The following PPP6R3 variants were observed in gnomAD, a reference collection of about 807,000 sequenced individuals.
The protein encoded by PPP6R3 is serine/threonine-protein phosphatase 6 regulatory subunit 3.
A neutral mutation model predicts 110.7 loss-of-function variants in PPP6R3; 38 were observed. The ratio of observed to expected loss-of-function variants is 0.34; its 90% CI spans 0.26 to 0.45. The LOEUF (loss-of-function observed/expected upper bound fraction) is 0.45. Ranked by LOEUF, PPP6R3 falls within the 20% of genes least tolerant of loss-of-function variation. The pLI is 1.00. For synonymous variants in PPP6R3, 369 were observed against 373.5 expected, an observed-to-expected ratio of 0.99 and a Z score of 0.14; for missense variants, 870 against 1,062.4, an observed-to-expected ratio of 0.82 and a Z score of 2.52.
intron 1 of PPP6R3, among the ~76,000 whole-genome samples, chr11:68,486,463 G>C (rs186477547): frequency 3.3e-5 from 5 of 152,120 alleles, no homozygotes; most frequent in African/African-American, 1.2e-4. Context: ...AAATTAGCTG[G>C]GTGTGGTGGC....
rs1208527103 is a variant in PPP6R3 at position 68,615,150 on chromosome 11, G to T, written c.*2033G>T. The T allele has an allele frequency of 6.6e-6, 3 of 453,918 alleles. No individual in the cohort carries two copies. Among genetic ancestry groups the T allele is most frequent in the African/African-American group, 6.0e-5 (3 of 49,958 alleles). 28.1% of individuals were successfully genotyped at this position (453,918 alleles called of 1,614,324 possible). The stretch of plus-strand genomic sequence containing the variant: ...TAGCAGGGAAAGGATATGACAATGG[G>T]GAGGACAGTTCTTTTGGAGGTTGGA... On this transcript the variant is annotated 3_prime_UTR_variant, in exon 24 of 24. Transcript: ENST00000393800.
intron 4 of PPP6R3, among the ~76,000 whole-genome samples, chr11:68,547,597 A>G (rs766890112): frequency 8.5e-5 from 13 of 152,202 alleles, no homozygotes; most frequent in Non-Finnish European, 1.8e-4. Flanking sequence ...CAGGTGAGTT[A>G]GTTATTTTGA....
chr11:68,593,971 A>G (rs1243621718), intron 18 of PPP6R3, among the ~76,000 whole-genome samples: 1 of 152,168 alleles, frequency 6.6e-6, no homozygotes, highest in Non-Finnish European at 1.5e-5. Context: ...AAAAACAAAG[A>G]TGGTCAGTTT....
intron 23 of PPP6R3, among the ~76,000 whole-genome samples, chr11:68,611,091 G>C (rs1014038163): frequency 5.3e-5 from 8 of 152,166 alleles, no homozygotes; most frequent in Non-Finnish European, 8.8e-5. Context: ...GAAGGCTTTT[G>C]GGGGAAGAGG....
intron 3 of PPP6R3, among the ~76,000 whole-genome samples, chr11:68,538,386 C>T (rs2099282170): frequency 6.6e-6 from 1 of 152,158 alleles, no homozygotes; most frequent in African/African-American, 2.4e-5. Context: ...AACGACAGTA[C>T]AGTAAGAATC....
chr11:68,608,789 T>G (rs980218510), intron 22 of PPP6R3, among the ~76,000 whole-genome samples: 1 of 152,180 alleles, frequency 6.6e-6, no homozygotes, highest in Admixed American at 6.5e-5. Flanking sequence ...AGTTAGCGAC[T>G]CAGAATACAC....
intron 4 of PPP6R3, among the ~76,000 whole-genome samples, chr11:68,546,755 C>A (rs915081714): frequency 1.3e-5 from 2 of 152,172 alleles, no homozygotes; most frequent in African/African-American, 4.8e-5. Flanking sequence ...TGAGTCAGCA[C>A]CCCAGCGGGG....
chr11:68,589,092 C>T (rs991471953), intron 16 of PPP6R3, among the ~76,000 whole-genome samples: 5 of 151,978 alleles, frequency 3.3e-5, no homozygotes, highest in East Asian at 1.9e-4. Context: ...GCCTGTAGTC[C>T]GAACTTCTGA....
At chr11:68,476,427 C>G (rs534934263) in intron 1 of PPP6R3, among the ~76,000 whole-genome samples, 1 of 100,314 alleles carries the variant, frequency 1.0e-5, no homozygotes, top group Non-Finnish European at 1.8e-5. Flanking sequence ...AGTCCAGCTT[C>G]GGCTGGGCAT....
intron 12 of PPP6R3, among the ~76,000 whole-genome samples, chr11:68,573,629 T>G (rs925025102): frequency 1.3e-5 from 2 of 152,204 alleles, no homozygotes; most frequent in Non-Finnish European, 2.9e-5. Context: ...GACATGTCAT[T>G]GGTAGATAAT....
chr11:68,478,646 A>ATTTTTTTTTTTTTTTTTTTTT (rs1565292839), intron 1 of PPP6R3, among the ~76,000 whole-genome samples: 1 of 10,754 alleles, frequency 9.3e-5, no homozygotes, highest in African/African-American at 3.1e-4. Flanking sequence ...GCACTTGGTA[A>ATTTTTTTTTTTTTTTTTTTTT]GTTTTTTTTT....
chr11:68,569,911 G>A lies in PPP6R3; in HGVS notation c.1278+14G>A. The A allele has an allele frequency of 6.3e-7, 1 of 1,594,890 alleles. No homozygotes were observed. The highest frequency in any genetic ancestry group is 8.6e-7 in the Non-Finnish European group (1 of 1,166,792). ...TTATTAAAACATGTAAGCTTATTTG[G>A]TCTCGTTTTTCTCCCACTCTCTCCT... On this transcript the variant is annotated intron_variant, in intron 11 of 23. Coordinates refer to ENST00000393800, the MANE Select transcript of PPP6R3 (RefSeq NM_001164161.2).
chr11:68,469,107 T>C (rs943047781), intron 1 of PPP6R3, among the ~76,000 whole-genome samples: 2 of 152,236 alleles, frequency 1.3e-5, no homozygotes, highest in Non-Finnish European at 2.9e-5. Context: ...TTAGTAAATA[T>C]TTTAGGCATT....
chr11:68,570,917 C>T, intron 11 of PPP6R3, 123 bp from the exon 12 acceptor site: 1 of 1,235,974 alleles, frequency 8.1e-7, no homozygotes, highest in Non-Finnish European at 1.1e-6. Flanking sequence ...TTGCATTTGG[C>T]TTAGTAACAT....
intron 2 of PPP6R3, among the ~76,000 whole-genome samples, chr11:68,533,852 C>T (rs561716667): frequency 3.3e-5 from 5 of 151,890 alleles, no homozygotes; most frequent in African/African-American, 4.8e-5. Context: ...GGACCTCATT[C>T]ATCAGTTAGG....
chr11:68,487,128 C>G (rs1307427175), intron 1 of PPP6R3, among the ~76,000 whole-genome samples: 2 of 152,162 alleles, frequency 1.3e-5, no homozygotes, highest in African/African-American at 2.4e-5. Context: ...TTAATTTGCT[C>G]TACTTTTTCT....
intron 1 of PPP6R3, among the ~76,000 whole-genome samples, chr11:68,484,628 C>G (rs2098935031): frequency 6.6e-6 from 1 of 151,700 alleles, no homozygotes; most frequent in Non-Finnish European, 1.5e-5. Flanking sequence ...GCTCTTGTTG[C>G]CCAGGGTGGA....
intron 22 of PPP6R3, 21 bp from the exon 23 acceptor site, chr11:68,609,883 C>T: frequency 1.9e-6 from 3 of 1,613,566 alleles, no homozygotes; most frequent in Non-Finnish European, 2.5e-6. Context: ...TTTGATGTGC[C>T]TGTCATCCTC....
Position 68,603,466 on chromosome 11 carries a change from C to T in PPP6R3, c.2424C>T (p.Ala808=). 1 of 1,614,104 alleles carries T rather than the reference C, an allele frequency of 6.2e-7. No individual in the cohort carries two copies. Among genetic ancestry groups the T allele is most frequent in the South Asian group, 1.1e-5 (1 of 91,078 alleles). The stretch of plus-strand genomic sequence containing the variant: ...AAACGCTCAGCCTCACTGTAGATGC[C>T]AAGACAGAGACTGCGGTCTTCAAAA... ...MKETLSLTVD[A]KTETAVFKSE... Residue 808 remains alanine (A), a synonymous_variant, in exon 22 of 24, where the codon GCC becomes GCT. Transcript: ENST00000393800.
Sources: gnomAD v4.1 joint callset for allele counts (sites outside exome capture counted in the v4.1 genomes callset) on GRCh38, gnomAD v4.1.1 for gene constraint, MANE v1.5 for transcripts, NCBI Gene and HGNC (gene_info 2026-07-23, HGNC 2026-07-21) for gene names.